Variants in VPS13D observed in about 807,000 individuals in gnomAD.
VPS13D encodes the protein intermembrane lipid transfer protein VPS13D.
VPS13D carries 187 observed loss-of-function variants against 461.9 expected under a neutral mutation model. The ratio of observed to expected loss-of-function variants is 0.40; its 90% CI spans 0.36 to 0.46. The LOEUF (loss-of-function observed/expected upper bound fraction) is 0.46. VPS13D is among the 20% of genes least tolerant of loss of function. The pLI is 0.60. For synonymous variants in VPS13D, 1,951 were observed against 1,986.3 expected, an observed-to-expected ratio of 0.98 and a Z score of 0.47; for missense variants, 4,711 against 5,364.9, an observed-to-expected ratio of 0.88 and a Z score of 3.81.
Position 12,505,195 on chromosome 1 carries a change from G to T in VPS13D, c.12795-1658G>T, listed in dbSNP as rs1383784968. On this transcript the variant is annotated intron_variant, in intron 68 of 69. Transcript: ENST00000620676. This position sits in a 1 kb window ranked among gnomAD's most constrained non-coding sequence, Gnocchi z 4.2. ...CCCCGCCAGTTCTGGCTGGCGCTGT[G>T]TCACCTCTTCTCTGTGTCAGGATCA... is the stretch of plus-strand genomic sequence containing the variant. Among the ~76,000 whole-genome samples, 6 of 152,192 alleles carry T rather than the reference G, an allele frequency of 3.9e-5. No individual in the cohort carries two copies. The highest frequency in any genetic ancestry group is 1.4e-4 in the African/African-American group (6 of 41,444).
At chr1:12,403,400 G>A (rs879441356) in intron 62 of VPS13D, among the ~76,000 whole-genome samples, 1 of 152,196 alleles carries the variant, frequency 6.6e-6, no homozygotes, top group South Asian at 2.1e-4. Flanking sequence ...ACTCAGATTC[G>A]TGAATTGGTG....
rs1357067370 is a variant in VPS13D, at chr1:12,348,862, A to G, written c.9109A>G (p.Thr3037Ala). 3.1e-6 allele frequency: 5 copies of G among 1,614,028 alleles called. No individual in the cohort carries two copies. In the African/African-American group the frequency reaches 4.0e-5, roughly 13 times the overall value. The change falls in exon 45 of 70, where the codon ACT (threonine) becomes GCT (alanine). Residue 3037 changes from threonine (T) to alanine (A), a missense_variant. Thr to Ala is a moderately conservative substitution (Grantham distance 58). Around this residue, in one of 3 missense-constraint regions of VPS13D, gnomAD observed 4,411 missense variants for 4,937.8 expected, o/e 0.89. Coordinates refer to ENST00000620676, the MANE Select transcript of VPS13D (RefSeq NM_015378.4). ...LPPVRVVFAVTMEGSARKVIT... is the reference protein window; with the variant it reads ...LPPVRVVFAVAMEGSARKVIT... ...ACCAGTGCGGGTGGTCTTTGCAGTG[A>G]CTATGGAAGGCAGTGCACGGAAAGT...
chr1:12,425,890 G>A (rs1644919136), intron 65 of VPS13D, among the ~76,000 whole-genome samples: 1 of 152,178 alleles, frequency 6.6e-6, no homozygotes, highest in Admixed American at 6.5e-5. Context: ...CAACTTCTCA[G>A]GTATAATCTT....
chr1:12,455,676 T>C (rs1045846083), intron 65 of VPS13D, among the ~76,000 whole-genome samples: 2 of 152,162 alleles, frequency 1.3e-5, no homozygotes, highest in African/African-American at 4.8e-5. Context: ...CCCAGCACTT[T>C]GGGAGGCCTA....
chr1:12,376,054 T>C (rs548766604), intron 55 of VPS13D, among the ~76,000 whole-genome samples: 60 of 152,344 alleles, frequency 3.9e-4, no homozygotes, highest in African/African-American at 1.4e-3. Context: ...AATCCCAGTA[T>C]GGAAACTTGA....
At chr1:12,322,100 C>G (rs1286994521) in intron 33 of VPS13D, 136 bp downstream of exon 33, 2 of 1,128,408 alleles carry the variant, frequency 1.8e-6, no homozygotes, top group Admixed American at 2.5e-5. Context: ...GAGTCTTGCT[C>G]TGTCGCCCAG....
At chr1:12,240,487 C>T (rs996064362) in intron 2 of VPS13D, among the ~76,000 whole-genome samples, 2 of 147,354 alleles carry the variant, frequency 1.4e-5, no homozygotes, top group African/African-American at 5.0e-5. Context: ...CCCAGCTACT[C>T]GGGAGGCTGA....
At chr1:12,334,917 T>A (rs1395387130) in intron 38 of VPS13D, among the ~76,000 whole-genome samples, 3 of 152,240 alleles carry the variant, frequency 2.0e-5, no homozygotes, top group Admixed American at 2.0e-4. Context: ...AAATATTACT[T>A]CTGTAGCCAA....
intron 2 of VPS13D, among the ~76,000 whole-genome samples, chr1:12,236,178 T>C (rs1640141941): frequency 6.6e-6 from 1 of 152,088 alleles, no homozygotes; most frequent in African/African-American, 2.4e-5. Flanking sequence ...GGTAGAACAA[T>C]GCTTTTTCTT....
In VPS13D at chr1:12,503,117, A is replaced by G. The variant is rs552776872; in HGVS notation, c.12795-3736A>G. 2.6e-4 allele frequency among the ~76,000 whole-genome samples: 40 copies of G among 152,110 alleles called. 1 individual carries two copies. Among genetic ancestry groups the G allele is most frequent in the Non-Finnish European group, 4.6e-4 (31 of 68,016 alleles). Reference sequence around the variant, plus strand: ...GCTACCATGGCTGCTGTTGTTGAGAATGCCCCGTGGTTCATGGTTTATGGA... The same window carrying G: ...GCTACCATGGCTGCTGTTGTTGAGAGTGCCCCGTGGTTCATGGTTTATGGA... On this transcript the variant is annotated intron_variant, in intron 68 of 69. Transcript: ENST00000620676.
intron 29 of VPS13D, among the ~76,000 whole-genome samples, chr1:12,313,766 A>T (rs768097484): frequency 1.3e-5 from 2 of 152,090 alleles, no homozygotes; most frequent in Non-Finnish European, 2.9e-5. Flanking sequence ...GCCCAGAGGG[A>T]CCCTTGACAT....
rs1409362080 is a variant in VPS13D, at chr1:12,311,796, G to A, written c.6823-17G>A. On this transcript the variant is annotated splice_polypyrimidine_tract_variant and intron_variant, in intron 28 of 69. Coordinates refer to ENST00000620676, the MANE Select transcript of VPS13D (RefSeq NM_015378.4). ...GGCATCATCAGCTGTGGATTGACGA[G>A]CATTTTCCTTTTGTAGACTGTCCTG... 2 of 1,608,220 alleles carry A rather than the reference G, an allele frequency of 1.2e-6. No individual in the cohort carries two copies. Among genetic ancestry groups the A allele is most frequent in the East Asian group, 2.2e-5 (1 of 44,840 alleles).
intron 65 of VPS13D, among the ~76,000 whole-genome samples, chr1:12,448,539 T>C (rs1468727624): frequency 2.0e-5 from 3 of 152,102 alleles, no homozygotes; most frequent in African/African-American, 7.2e-5. Context: ...TGCCAAAAAG[T>C]CCTACACTGG....
intron 29 of VPS13D, among the ~76,000 whole-genome samples, 178 bp downstream of exon 29, chr1:12,312,103 A>C (rs1036908446): frequency 1.3e-5 from 2 of 152,234 alleles, no homozygotes; most frequent in Admixed American, 6.5e-5. Flanking sequence ...ATGCTCTATC[A>C]GTCAACATAG....
At chr1:12,297,902 A>G (rs1642318541) in intron 24 of VPS13D, among the ~76,000 whole-genome samples, 1 of 152,214 alleles carries the variant, frequency 6.6e-6, no homozygotes, top group Non-Finnish European at 1.5e-5. Flanking sequence ...GTGAGGAAAC[A>G]TTGTTAACTC....
intron 30 of VPS13D, among the ~76,000 whole-genome samples, chr1:12,317,000 C>G (rs922848244): frequency 6.7e-6 from 1 of 149,046 alleles, no homozygotes; most frequent in Non-Finnish European, 1.5e-5. Flanking sequence ...ACTTGTCCCC[C>G]CACCCCCACC....
chr1:12,483,799 A>C (rs1165596826), intron 67 of VPS13D, among the ~76,000 whole-genome samples: 1 of 152,024 alleles, frequency 6.6e-6, no homozygotes, highest in Non-Finnish European at 1.5e-5. Context: ...GGAGTTCGAG[A>C]CCAGCCTGAC....
At chr1:12,425,627 G>A (rs1644915512) in intron 65 of VPS13D, among the ~76,000 whole-genome samples, 1 of 149,024 alleles carries the variant, frequency 6.7e-6, no homozygotes, top group Non-Finnish European at 1.5e-5. Flanking sequence ...CCTACATGTC[G>A]AATATGGGCC....
intron 69 of VPS13D, among the ~76,000 whole-genome samples, chr1:12,508,432 G>A (rs756246031): frequency 6.6e-6 from 1 of 151,846 alleles, no homozygotes; most frequent in Non-Finnish European, 1.5e-5. Context: ...CCGGCTGGGC[G>A]CAGTGGCTCA....
Sources: allele counts gnomAD v4.1 joint callset (sites outside exome capture counted in the v4.1 genomes callset), GRCh38; gene constraint gnomAD v4.1.1; regional missense constraint gnomAD v4.1.1; non-coding constraint Gnocchi (gnomAD v3.1); transcripts MANE v1.5; gene names NCBI Gene and HGNC (gene_info 2026-07-23, HGNC 2026-07-21).